Variants in GRID2IP observed in about 807,000 individuals in gnomAD.
GRID2IP encodes delphilin.
In GRID2IP, 78 loss-of-function variants were observed where a neutral mutation model predicts 114.3. The ratio of observed to expected loss-of-function variants is 0.68; its 90% CI spans 0.57 to 0.82. The LOEUF (loss-of-function observed/expected upper bound fraction) is 0.82. Among genes scored for constraint, GRID2IP ranks in the 40% least tolerant of loss-of-function variants. The pLI is 0.00. For synonymous variants in GRID2IP, 809 were observed against 724.0 expected (o/e 1.12, Z -1.89); for missense variants, 1,727 against 1,678.5 (o/e 1.03, Z -0.51).
rs540247530 is a variant in GRID2IP, at chr7:6,513,585, C to T, written c.1423+790G>A. 4.2e-4 allele frequency among the ~76,000 whole-genome samples: 64 copies of T among 152,292 alleles called. 2 individuals carry two copies. The South Asian group carries it at 0.012, about 29-fold the overall frequency. On this transcript the variant is annotated intron_variant, in intron 8 of 21. Transcript: ENST00000457091. The stretch of plus-strand genomic sequence containing the variant: ...CAGAGCGCAGCCACTGAGACCACTT[C>T]CATTTTGTGGGTGCAAAAACTGAGA...
chr7:6,543,085 C>T (rs1187452114), intron 1 of GRID2IP, among the ~76,000 whole-genome samples: 2 of 152,160 alleles, frequency 1.3e-5, no homozygotes, highest in East Asian at 3.8e-4. Flanking sequence ...CCATCCTCTG[C>T]TCTCAGAGGT....
In GRID2IP at chr7:6,550,986, ACC is replaced by A; in HGVS notation, c.429+20_429+21del. On this transcript the variant is annotated intron_variant, in intron 1 of 21. Transcript: ENST00000457091. ...TATGAGCCCCCTCCTTCCCGCCCCC[ACC>A]TCCCACCCCCGCGCCTTACCTTGCG... The A allele has an allele frequency of 1.8e-6, 1 of 559,260 alleles. No individual in the cohort carries two copies. Among genetic ancestry groups the A allele is most frequent in the Non-Finnish European group, 2.2e-6 (1 of 461,958 alleles). The allele number at this position is 559,260 out of a possible 1,614,324, so 34.6% of individuals were successfully genotyped here.
chr7:6,539,677 G>T, intron 2 of GRID2IP, 41 bp downstream of exon 2: 2 of 1,507,718 alleles, frequency 1.3e-6, no homozygotes, highest in South Asian at 2.5e-5. Context: ...CTCTAAGTGA[G>T]ACCCACCCTG....
rs899694167 is a variant in GRID2IP, at chr7:6,502,083, G to C, written c.3186C>G (p.Thr1062=). Residue 1062 remains threonine (T), a synonymous_variant, in exon 19 of 22, where the codon ACC becomes ACG. Transcript: ENST00000457091. ...NSTKTVDGKS[T]FLHILAKSLS... is the part of the protein sequence containing the mutation. ...GCGATTTGGCAAGGATGTGCAGGAA[G>C]GTGGACTTCCCATCCACTGTCTTGG... The C allele has an allele frequency of 6.4e-7, 1 of 1,551,336 alleles. No homozygotes were observed. The highest frequency in any genetic ancestry group is 2.4e-5 in the East Asian group (1 of 40,910).
In GRID2IP at chr7:6,504,902, G is replaced by A. The variant is rs1786531669; in HGVS notation, c.2633-32C>T. On this transcript the variant is annotated intron_variant, in intron 14 of 21. Coordinates refer to ENST00000457091, the MANE Select transcript of GRID2IP (RefSeq NM_001145118.2). ...AAGAAACTGACAGTTTACGGAGGCG[G>A]CTAGGCTGAGGCTGCAGTGGGAAGG... The A allele has an allele frequency of 1.9e-6, 3 of 1,541,848 alleles. No individual in the cohort carries two copies. In the East Asian group the frequency reaches 7.3e-5, roughly 38 times the overall value.
intron 8 of GRID2IP, 80 bp downstream of exon 8, chr7:6,514,295 A>G: frequency 3.3e-6 from 4 of 1,202,056 alleles, no homozygotes; most frequent in Non-Finnish European, 3.4e-6. Context: ...ACATGTGAGA[A>G]CAGGTGTCTG....
chr7:6,535,685 TG>T (rs1779712630), intron 2 of GRID2IP, among the ~76,000 whole-genome samples: 1 of 152,154 alleles, frequency 6.6e-6, no homozygotes, highest in African/African-American at 2.4e-5. Context: ...AGTGAGACCC[TG>T]TCTCTATTTA....
rs1009752714 is a variant in GRID2IP, at chr7:6,509,194, C to T, written c.1891G>A (p.Ala631Thr). The change falls in exon 12 of 22, where the codon GCC becomes ACC. Residue 631 changes from alanine to threonine, a missense_variant. Physicochemically the swap from Ala to Thr is moderately conservative, Grantham distance 58 (BLOSUM62 0). Coordinates refer to ENST00000457091, the MANE Select transcript of GRID2IP (RefSeq NM_001145118.2). The surrounding 1 kb of genome is among the most constrained non-coding windows in gnomAD (Gnocchi z 4.9). ...SPSSSESHPY[A>T]SLDSSRAPSP... ...GGTGCCCTGCTGCTGTCCAGGCTGGCGTAGGGGTGGGACTCAGAGCTGCTG... is the reference window on the plus strand; with the variant it reads ...GGTGCCCTGCTGCTGTCCAGGCTGGTGTAGGGGTGGGACTCAGAGCTGCTG... 10 of 1,482,128 alleles carry T rather than the reference C, an allele frequency of 6.7e-6. No individual in the cohort carries two copies. Among genetic ancestry groups the T allele is most frequent in the Admixed American group, 2.3e-5 (1 of 43,790 alleles). The allele number at this position is 1,482,128 out of a possible 1,614,324, so 91.8% of individuals were successfully genotyped here.
chr7:6,541,711 G>A (rs914572933), intron 1 of GRID2IP, among the ~76,000 whole-genome samples: 1 of 152,146 alleles, frequency 6.6e-6, no homozygotes, highest in Non-Finnish European at 1.5e-5. Context: ...AAATGAGCAT[G>A]CAAATGGTCA....
At chr7:6,499,457 G>C (rs1021714337) in intron 20 of GRID2IP, among the ~76,000 whole-genome samples, 4 of 152,200 alleles carry the variant, frequency 2.6e-5, no homozygotes, top group South Asian at 2.1e-4. Context: ...TTGAGACAGA[G>C]TCTCGCTCTG....
chr7:6,537,043 G>A, intron 2 of GRID2IP: 1 of 572,484 alleles, frequency 1.7e-6, no homozygotes, highest in Non-Finnish European at 3.1e-6. Flanking sequence ...AGGGAGGGGA[G>A]GGATGGAGGA....
In GRID2IP at chr7:6,521,834, C is replaced by T; in HGVS notation, c.989+54G>A. 2 of 1,357,574 alleles carry T rather than the reference C, an allele frequency of 1.5e-6. No homozygotes were observed. The highest frequency in any genetic ancestry group is 1.4e-5 in the African/African-American group (1 of 69,264). 84.1% of individuals were successfully genotyped at this position (1,357,574 alleles called of 1,614,324 possible). Reference sequence around the variant, plus strand: ...GGTGCCCCAAGAGGCAGGAGTCTTGCAGGGGGTGGGGGCAGCTCCTCACCA... The same window carrying T: ...GGTGCCCCAAGAGGCAGGAGTCTTGTAGGGGGTGGGGGCAGCTCCTCACCA... On this transcript the variant is annotated intron_variant, in intron 5 of 21. Coordinates refer to ENST00000457091, the MANE Select transcript of GRID2IP (RefSeq NM_001145118.2). This position sits in a 1 kb window ranked among gnomAD's most constrained non-coding sequence, Gnocchi z 4.1.
intron 4 of GRID2IP, among the ~76,000 whole-genome samples, chr7:6,524,168 C>A (rs563741212): frequency 1.3e-5 from 2 of 152,282 alleles, no homozygotes; most frequent in East Asian, 3.9e-4. Flanking sequence ...GTAAAAGCGT[C>A]CATCTAAGCA....
chr7:6,548,251 G>A (rs1367429206), intron 1 of GRID2IP, among the ~76,000 whole-genome samples: 2 of 152,062 alleles, frequency 1.3e-5, no homozygotes, highest in Non-Finnish European at 2.9e-5. Context: ...TCCTTGGGAG[G>A]CTGAGCCAGG....
Position 6,506,987 on chromosome 7 carries a change from T to G in GRID2IP, c.2544+998A>C, listed in dbSNP as rs1221352484. 1.3e-5 allele frequency among the ~76,000 whole-genome samples: 2 copies of G among 152,058 alleles called. No individual in the cohort carries two copies. Among genetic ancestry groups the G allele is most frequent in the Non-Finnish European group, 2.9e-5 (2 of 68,006 alleles). ...CGTGAACCACCAAGCCTGGCCTCAA[T>G]GGGCATCTTTATTAGCAACTTGGAA... On this transcript the variant is annotated intron_variant, in intron 13 of 21. Transcript: ENST00000457091. The surrounding 1 kb of genome is among the most constrained non-coding windows in gnomAD (Gnocchi z 5.2).
In GRID2IP at chr7:6,536,156, T is replaced by C. The variant is rs1459668339; in HGVS notation, c.584+3562A>G. Among the ~76,000 whole-genome samples, 1 of 152,070 alleles carries C rather than the reference T, an allele frequency of 6.6e-6. No homozygotes were observed. The highest frequency in any genetic ancestry group is 1.9e-4 in the East Asian group (1 of 5,180). ...GGGGCCATGGGTGACTGGCCAGCCC[T>C]GGGGAGGGGGTTGTTGGGAAGTAGG... is the stretch of plus-strand genomic sequence containing the variant. On this transcript the variant is annotated intron_variant, in intron 2 of 21. Coordinates refer to ENST00000457091, the MANE Select transcript of GRID2IP (RefSeq NM_001145118.2). The surrounding 1 kb of genome is among the most constrained non-coding windows in gnomAD (Gnocchi z 5.3).
rs1159098773 is a variant in GRID2IP, at chr7:6,516,278, C to T, written c.1269-1749G>A. ...CTGTTCCAATATAATAAAGAAAATACATAGAATAAGAATAGTTATACTAGA... is the reference window on the plus strand; with the variant it reads ...CTGTTCCAATATAATAAAGAAAATATATAGAATAAGAATAGTTATACTAGA... On this transcript the variant is annotated intron_variant, in intron 7 of 21. Transcript: ENST00000457091. The surrounding 1 kb of genome is among the most constrained non-coding windows in gnomAD (Gnocchi z 4.3). Among the ~76,000 whole-genome samples, 2 of 151,696 alleles carry T rather than the reference C, an allele frequency of 1.3e-5. No individual in the cohort carries two copies. Among genetic ancestry groups the T allele is most frequent in the Non-Finnish European group, 2.9e-5 (2 of 67,954 alleles).
Position 6,510,988 on chromosome 7 carries a change from T to G in GRID2IP, c.1475A>C (p.Gln492Pro). 1 of 1,541,324 alleles carries G rather than the reference T, an allele frequency of 6.5e-7. No individual in the cohort carries two copies. The highest frequency in any genetic ancestry group is 8.8e-7 in the Non-Finnish European group (1 of 1,142,008). The change falls in exon 9 of 22, where the codon CAG becomes CCG. Residue 492 changes from glutamine (Q) to proline (P), a missense_variant. Coordinates refer to ENST00000457091, the MANE Select transcript of GRID2IP (RefSeq NM_001145118.2). Reference protein sequence around the residue: ...DLESEPTPEPQPRSSLRASSM... With the variant: ...DLESEPTPEPPPRSSLRASSM... ...GGAAGCCCGCAGGGAGCTCCGCGGC[T>G]GGGGCTCAGGCGTGGGCTCGGACTC...
intron 2 of GRID2IP, chr7:6,531,112 G>A: frequency 1.9e-6 from 1 of 540,108 alleles, no homozygotes; most frequent in Non-Finnish European, 3.3e-6. Flanking sequence ...TCTGGAGCCG[G>A]GGACCGCGGC....
Sources: gnomAD v4.1 joint callset for allele counts (sites outside exome capture counted in the v4.1 genomes callset) on GRCh38, gnomAD v4.1.1 for gene constraint, Gnocchi (gnomAD v3.1) non-coding constraint, MANE v1.5 for transcripts, NCBI Gene and HGNC (gene_info 2026-07-23, HGNC 2026-07-21) for gene names.